SNTG2: variants seen among roughly 807,000 people sequenced by gnomAD.
The protein encoded by SNTG2 is syntrophin gamma 2.
SNTG2 carries 74 observed loss-of-function variants against 70.9 expected under a neutral mutation model. That is an observed-to-expected ratio of 1.04 (90% CI 0.86 to 1.27). SNTG2 has a LOEUF of 1.27. Among genes scored for constraint, SNTG2 ranks in the 50% most tolerant of loss-of-function variants. The pLI, the probability that SNTG2 is intolerant of heterozygous loss-of-function variation, is 0.00. For missense variants in SNTG2, 717 were observed against 690.7 expected (o/e 1.04, Z -0.43); for synonymous variants, 278 against 273.8 (o/e 1.02, Z -0.15).
At chr2:974,070 A>T (rs527545349) in intron 1 of SNTG2, among the ~76,000 whole-genome samples, 3 of 152,002 alleles carry the variant, frequency 2.0e-5, no homozygotes, top group African/African-American at 7.2e-5. Flanking sequence ...ATTTATGGTT[A>T]TTTTTGGTTT....
chr2:1,145,387 C>T (rs1015784670), intron 6 of SNTG2, among the ~76,000 whole-genome samples: 3 of 152,048 alleles, frequency 2.0e-5, no homozygotes, highest in Non-Finnish European at 4.4e-5. Context: ...TATTAGAAAT[C>T]AAAGAGAGGA....
intron 13 of SNTG2, among the ~76,000 whole-genome samples, chr2:1,266,251 A>G (rs1206622926): frequency 6.6e-6 from 1 of 152,118 alleles, no homozygotes; most frequent in Non-Finnish European, 1.5e-5. Context: ...ATGCACCTCC[A>G]TGCTGTTGAC....
intron 15 of SNTG2, 119 bp from the exon 16 acceptor site, chr2:1,316,146 G>C: frequency 3.4e-6 from 2 of 584,522 alleles, no homozygotes; most frequent in South Asian, 4.8e-5. Context: ...GCTAAACGTC[G>C]ATTTAAACAT....
intron 1 of SNTG2, among the ~76,000 whole-genome samples, chr2:996,277 C>T (rs1387534695): frequency 6.6e-6 from 1 of 152,156 alleles, no homozygotes. Context: ...CAAACACTTA[C>T]CTTTCTGGCA....
At chr2:1,308,689 G>A in intron 15 of SNTG2, 103 bp downstream of exon 15, 2 of 956,082 alleles carry the variant, frequency 2.1e-6, no homozygotes, top group Non-Finnish European at 3.3e-6. Context: ...CACCAACCTT[G>A]CTGGATTGTG....
chr2:1,261,777 A>C (rs909110196), intron 13 of SNTG2, among the ~76,000 whole-genome samples: 7 of 152,142 alleles, frequency 4.6e-5, no homozygotes, highest in Non-Finnish European at 8.8e-5. Flanking sequence ...TATGTCCTTG[A>C]GTTAATTCTC....
chr2:1,271,022 A>G (rs1374923329), intron 14 of SNTG2, among the ~76,000 whole-genome samples: 1 of 152,176 alleles, frequency 6.6e-6, no homozygotes, highest in Non-Finnish European at 1.5e-5. Context: ...GAATGCACCT[A>G]TGTGAGGTCA....
intron 14 of SNTG2, among the ~76,000 whole-genome samples, chr2:1,267,860 C>T (rs890312984): frequency 5.9e-5 from 9 of 152,156 alleles, no homozygotes; most frequent in Non-Finnish European, 1.0e-4. Flanking sequence ...ACCGATGTGG[C>T]GCTCAAGTTC....
rs531683830 is a variant in SNTG2 at position 969,609 on chromosome 2, A to AT, written c.72+18546dup. On this transcript the variant is annotated intron_variant, in intron 1 of 16. Transcript: ENST00000308624. ...GCTTAGCTGTGCTTCTAGATATTTT[A>AT]TTTTTGTGTGTGATTATGGTGAACA... is the stretch of plus-strand genomic sequence containing the variant. 2.6e-5 allele frequency among the ~76,000 whole-genome samples: 4 copies of AT among 152,074 alleles called. No individual in the cohort carries two copies. In the South Asian group the frequency reaches 8.3e-4, roughly 32 times the overall value.
At chr2:1,055,313 GT>G in intron 1 of SNTG2, among the ~76,000 whole-genome samples, 1 of 152,322 alleles carries the variant, frequency 6.6e-6, no homozygotes, top group Middle Eastern at 3.4e-3. Flanking sequence ...CTTTCTGTAA[GT>G]TTTTCATTTT....
At chr2:956,699 G>GC (rs1356698300) in intron 1 of SNTG2, among the ~76,000 whole-genome samples, 4 of 152,252 alleles carry the variant, frequency 2.6e-5, no homozygotes, top group Non-Finnish European at 5.9e-5. Flanking sequence ...GAAGGACACA[G>GC]CCCGGGGAAC....
chr2:1,210,272 T>C (rs1673951060), intron 9 of SNTG2, among the ~76,000 whole-genome samples: 1 of 152,118 alleles, frequency 6.6e-6, no homozygotes, highest in Non-Finnish European at 1.5e-5. Context: ...ACAAACCTAG[T>C]AAAAGATGTG....
At chr2:1,264,110 A>G (rs1678597706) in intron 13 of SNTG2, among the ~76,000 whole-genome samples, 2 of 152,378 alleles carry the variant, frequency 1.3e-5, no homozygotes, top group South Asian at 4.1e-4. Context: ...GTAGCTTAAA[A>G]ATATCAAAAC....
intron 9 of SNTG2, among the ~76,000 whole-genome samples, chr2:1,235,429 G>T (rs61400587): frequency 5.5e-5 from 5 of 90,896 alleles, no homozygotes; most frequent in African/African-American, 1.3e-4. Flanking sequence ...AGGCACCCCC[G>T]ATTCATGAGA....
At chr2:994,364 A>T (rs985452694) in intron 1 of SNTG2, among the ~76,000 whole-genome samples, 1 of 152,026 alleles carries the variant, frequency 6.6e-6, no homozygotes, top group African/African-American at 2.4e-5. Flanking sequence ...ATTGATCTAT[A>T]TCTCTATTTT....
intron 14 of SNTG2, among the ~76,000 whole-genome samples, chr2:1,291,811 C>A (rs1320310268): frequency 6.6e-6 from 1 of 152,144 alleles, no homozygotes; most frequent in Admixed American, 6.5e-5. Context: ...ATTGTTTTGG[C>A]TATTCAAGGT....
intron 1 of SNTG2, among the ~76,000 whole-genome samples, chr2:990,997 A>C (rs1345323766): frequency 6.6e-6 from 1 of 152,088 alleles, no homozygotes; most frequent in African/African-American, 2.4e-5. Flanking sequence ...TAATTTACTG[A>C]CCTTTCTTTC....
intron 1 of SNTG2, among the ~76,000 whole-genome samples, chr2:983,112 G>C (rs1661170973): frequency 6.6e-6 from 1 of 150,526 alleles, no homozygotes. Context: ...CTCTTCTGTA[G>C]AAGTTGTGGA....
intron 9 of SNTG2, among the ~76,000 whole-genome samples, chr2:1,235,690 C>T (rs535721361): frequency 6.6e-6 from 1 of 152,352 alleles, no homozygotes; most frequent in Non-Finnish European, 1.5e-5. Flanking sequence ...CCTGCAGGCC[C>T]CCTAGTCTAG....
Sources: gnomAD v4.1 joint callset for allele counts (sites outside exome capture counted in the v4.1 genomes callset) on GRCh38, gnomAD v4.1.1 for gene constraint, MANE v1.5 for transcripts, NCBI Gene and HGNC (gene_info 2026-07-23, HGNC 2026-07-21) for gene names.